Variants in PEAK1 observed in about 807,000 individuals in gnomAD.
The protein encoded by PEAK1 is inactive tyrosine-protein kinase PEAK1.
PEAK1 carries 54 observed loss-of-function variants against 124.7 expected under a neutral mutation model. The ratio of observed to expected loss-of-function variants is 0.43; its 90% CI spans 0.35 to 0.54. The LOEUF (loss-of-function observed/expected upper bound fraction) is 0.54. Ranked by LOEUF, PEAK1 falls within the 20% of genes least tolerant of loss-of-function variation. The pLI, the probability that PEAK1 is intolerant of heterozygous loss-of-function variation, is 0.01. For synonymous variants in PEAK1, 719 were observed against 760.0 expected (o/e 0.95, Z 0.89); for missense variants, 2,046 against 2,134.5 (o/e 0.96, Z 0.82).
At chr15:77,334,017 A>T in intron 2 of PEAK1, 2 of 504,738 alleles carry the variant, frequency 4.0e-6, no homozygotes, top group South Asian at 8.7e-5. Context: ...TATAAGACTG[A>T]GTCCTGCTTA....
At chr15:77,174,375 C>A (rs1390789816) in intron 7 of PEAK1, among the ~76,000 whole-genome samples, 2 of 152,132 alleles carry the variant, frequency 1.3e-5, no homozygotes, top group Non-Finnish European at 2.9e-5. Context: ...CAGCAGTGAG[C>A]TCCCAGCCGT....
intron 2 of PEAK1, among the ~76,000 whole-genome samples, chr15:77,307,000 G>A (rs1411784666): frequency 1.3e-5 from 2 of 152,038 alleles, no homozygotes; most frequent in Non-Finnish European, 2.9e-5. Flanking sequence ...ACCTAAATAA[G>A]TTATTGCCCA....
intron 2 of PEAK1, among the ~76,000 whole-genome samples, chr15:77,288,030 T>G (rs1307750687): frequency 6.6e-6 from 1 of 152,182 alleles, no homozygotes; most frequent in African/African-American, 2.4e-5. Flanking sequence ...CCATCTCTAA[T>G]TTTATCCTAC....
intron 1 of PEAK1, among the ~76,000 whole-genome samples, chr15:77,371,694 T>G (rs2068653334): frequency 6.6e-6 from 1 of 152,036 alleles, no homozygotes; most frequent in African/African-American, 2.4e-5. Context: ...TCAAGACCAG[T>G]CTGGCCAACA....
At chr15:77,368,173 T>G (rs2068384904) in intron 1 of PEAK1, among the ~76,000 whole-genome samples, 1 of 152,192 alleles carries the variant, frequency 6.6e-6, no homozygotes, top group African/African-American at 2.4e-5. Flanking sequence ...TATTGATAAC[T>G]AATCATTTAA....
At chr15:77,239,781 C>A (rs917119719) in intron 6 of PEAK1, 1 of 925,488 alleles carries the variant, frequency 1.1e-6, no homozygotes, top group Non-Finnish European at 1.3e-6. Flanking sequence ...ATATTACATA[C>A]CTCCTGGGCT....
intron 8 of PEAK1, among the ~76,000 whole-genome samples, chr15:77,151,787 T>C (rs576186857): frequency 7.2e-5 from 11 of 152,220 alleles, no homozygotes; most frequent in Non-Finnish European, 1.3e-4. Flanking sequence ...CCATTGCTTG[T>C]TTTTGTCAGG....
intron 9 of PEAK1, among the ~76,000 whole-genome samples, chr15:77,125,731 C>T (rs2052319991): frequency 6.6e-6 from 1 of 152,256 alleles, no homozygotes; most frequent in Non-Finnish European, 1.5e-5. Context: ...ACAGTCCTCA[C>T]ATTTTGTACC....
At chr15:77,124,909 T>C (rs1221477509) in intron 9 of PEAK1, among the ~76,000 whole-genome samples, 3 of 152,222 alleles carry the variant, frequency 2.0e-5, no homozygotes, top group Non-Finnish European at 1.5e-5. Context: ...CCCCAAGATA[T>C]GTGTTAATAA....
intron 1 of PEAK1, among the ~76,000 whole-genome samples, chr15:77,368,966 T>C (rs921007892): frequency 6.6e-6 from 1 of 152,246 alleles, no homozygotes; most frequent in South Asian, 2.1e-4. Context: ...TAAATCACTA[T>C]GTTTAATTAT....
chr15:77,180,176 G>C lies in PEAK1; in HGVS notation c.1751C>G (p.Pro584Arg). ...TTCAGACAAATTAGGTGACTTAACA[G>C]GGATGGTTTTGGAGGAAATGTTTGT... Reference protein sequence around the residue: ...TATNISSKTIPVKSPNLSEIK... With the variant: ...TATNISSKTIRVKSPNLSEIK... Residue 584 changes from proline (P) to arginine (R), a missense_variant, in exon 7 of 10, where the codon CCT becomes CGT. By Grantham distance (103) the Pro-to-Arg change is moderately radical. Coordinates refer to ENST00000682557, the MANE Select transcript of PEAK1 (RefSeq NM_001385026.1). 1 of 1,614,110 alleles carries C rather than the reference G, an allele frequency of 6.2e-7. No individual in the cohort carries two copies. The highest frequency in any genetic ancestry group is 8.5e-7 in the Non-Finnish European group (1 of 1,179,962).
intron 6 of PEAK1, among the ~76,000 whole-genome samples, chr15:77,223,576 T>A (rs919117310): frequency 2.0e-5 from 3 of 152,044 alleles, no homozygotes; most frequent in African/African-American, 2.4e-5. Context: ...GAGTTATGGA[T>A]TATTTTGTCA....
At chr15:77,219,212 G>A (rs1305605144) in intron 6 of PEAK1, among the ~76,000 whole-genome samples, 2 of 152,030 alleles carry the variant, frequency 1.3e-5, no homozygotes, top group Non-Finnish European at 2.9e-5. Context: ...CAGGTGGGAG[G>A]TAATGAGGTT....
intron 8 of PEAK1, among the ~76,000 whole-genome samples, chr15:77,135,596 A>G (rs1283013712): frequency 1.3e-5 from 2 of 152,108 alleles, no homozygotes; most frequent in African/African-American, 4.8e-5. Context: ...CCCCACCCAA[A>G]TCTCATCTTG....
chr15:77,364,361 T>C (rs1461139632), intron 2 of PEAK1, among the ~76,000 whole-genome samples: 1 of 152,188 alleles, frequency 6.6e-6, no homozygotes, highest in Admixed American at 6.5e-5. Context: ...ATGATGTTAG[T>C]GTTCATATCA....
At chr15:77,225,666 T>A (rs377361549) in intron 6 of PEAK1, among the ~76,000 whole-genome samples, 61 of 87,936 alleles carry the variant, frequency 6.9e-4, no homozygotes, top group South Asian at 2.1e-3. Context: ...TGTGTATAAT[T>A]TATATATATA....
At position 77,222,070 on chromosome 15, in the gene PEAK1, G is replaced by A. The variant is rs183294088; in HGVS notation, c.-115+30297C>T. Among the ~76,000 whole-genome samples, 327 of 152,012 alleles carry A rather than the reference G, an allele frequency of 2.2e-3. 1 individual carries two copies. The highest frequency in any genetic ancestry group is 7.6e-3 in the African/African-American group (317 of 41,486). ...CTTTTTTTTTCTTTTTCAAAATAAA[G>A]TTGAGGATCTAAAATTTTTCTGAAT... On this transcript the variant is annotated intron_variant, in intron 6 of 9. Coordinates refer to ENST00000682557, the MANE Select transcript of PEAK1 (RefSeq NM_001385026.1).
chr15:77,316,950 G>A (rs899470252), intron 2 of PEAK1, among the ~76,000 whole-genome samples: 14 of 151,928 alleles, frequency 9.2e-5, no homozygotes, highest in Non-Finnish European at 1.2e-4. Context: ...GCGTGGTGGC[G>A]TGCACCTGTA....
chr15:77,334,663 A>T, intron 2 of PEAK1: 1 of 985,298 alleles, frequency 1.0e-6, no homozygotes, highest in Non-Finnish European at 1.2e-6. Flanking sequence ...TTACTTTTGG[A>T]TCAGCATCAT....
Sources: gnomAD v4.1 joint callset for allele counts (sites outside exome capture counted in the v4.1 genomes callset) on GRCh38, gnomAD v4.1.1 for gene constraint, MANE v1.5 for transcripts, NCBI Gene and HGNC (gene_info 2026-07-23, HGNC 2026-07-21) for gene names.